MED23: variants seen among roughly 807,000 people sequenced by gnomAD.
MED23 encodes the protein mediator complex subunit 23.
In MED23, 105 loss-of-function variants were observed where a neutral mutation model predicts 163.9. That is an observed-to-expected ratio of 0.64 (90% CI 0.55 to 0.75). MED23 has a LOEUF of 0.75. MED23 is among the 30% of genes least tolerant of loss of function. MED23 has a pLI of 0.00. For synonymous variants in MED23, 561 were observed against 565.6 expected, an observed-to-expected ratio of 0.99 and a Z score of 0.12; for missense variants, 1,054 against 1,649.0, an observed-to-expected ratio of 0.64 and a Z score of 6.25.
chr6:131,574,967 AC>A (rs1188731913), intron 30 of MED23, among the ~76,000 whole-genome samples: 3 of 152,172 alleles, frequency 2.0e-5, no homozygotes, highest in South Asian at 4.1e-4. Flanking sequence ...GTCTCTTCAG[AC>A]TATTCAACTC....
Position 131,598,880 on chromosome 6 carries a change from C to A in MED23, c.2221-119G>T. ...CTAATAAACTCTAGGTCACCTTGAG[C>A]AACTCAGCAATTAAGGCCTGAATTT... On this transcript the variant is annotated intron_variant, in intron 18 of 28. Transcript: ENST00000368068. This position sits in a 1 kb window ranked among gnomAD's most constrained non-coding sequence, Gnocchi z 4.7. 1 of 897,546 alleles carries A rather than the reference C, an allele frequency of 1.1e-6. No homozygotes were observed. Among genetic ancestry groups the A allele is most frequent in the Non-Finnish European group, 1.8e-6 (1 of 558,470 alleles). 55.6% of individuals were successfully genotyped at this position (897,546 alleles called of 1,614,324 possible).
intron 3 of MED23, among the ~76,000 whole-genome samples, chr6:131,625,210 C>T (rs2114783499): frequency 6.6e-6 from 1 of 152,258 alleles, no homozygotes; most frequent in South Asian, 2.1e-4. Flanking sequence ...TAAAATGCTA[C>T]CATTTTTATT....
chr6:131,627,221 T>C, intron 3 of MED23, 175 bp downstream of exon 3: 2 of 629,932 alleles, frequency 3.2e-6, no homozygotes, highest in Non-Finnish European at 2.7e-6. Flanking sequence ...GGTTTTCCAC[T>C]GAAATATACA....
chr6:131,599,988 G>T, intron 18 of MED23, 50 bp downstream of exon 18: 1 of 1,602,934 alleles, frequency 6.2e-7, no homozygotes, highest in Non-Finnish European at 8.5e-7. Flanking sequence ...CATTGTGAAT[G>T]GGAAGAAGGA....
chr6:131,582,610 T>G, downstream of MED23: 1 of 1,606,994 alleles, frequency 6.2e-7, no homozygotes, highest in Non-Finnish European at 8.5e-7. Context: ...GTGAAAACAT[T>G]GTAATTTTAG....
At chr6:131,581,464 T>TATC in intron 30 of MED23, 1 of 1,406,316 alleles carries the variant, frequency 7.1e-7, no homozygotes, top group Non-Finnish European at 9.8e-7. Context: ...AACTCCATGT[T>TATC]ATCTTATTCT....
chr6:131,623,339 A>C lies in MED23; in HGVS notation c.396+12T>G, dbSNP rs1019624699. The stretch of plus-strand genomic sequence containing the variant: ...CTGAAAGCAATCACTTTTTATAATA[A>C]GAAAAATATACCTTGTAATCCACTC... On this transcript the variant is annotated intron_variant, in intron 5 of 28. Coordinates refer to ENST00000368068, the MANE Select transcript of MED23 (RefSeq NM_004830.4). 5 of 1,600,368 alleles carry C rather than the reference A, an allele frequency of 3.1e-6. No homozygotes were observed. The highest frequency in any genetic ancestry group is 3.3e-5 in the Admixed American group (2 of 60,006).
intron 16 of MED23, among the ~76,000 whole-genome samples, chr6:131,602,605 C>T (rs555706130): frequency 3.3e-5 from 5 of 152,172 alleles, no homozygotes; most frequent in African/African-American, 1.2e-4. Flanking sequence ...GATGGCTTGT[C>T]GCCTATAGGA....
At chr6:131,585,123 T>C (rs1299173157), downstream of MED23, among the ~76,000 whole-genome samples, 1 of 152,200 alleles carries the variant, frequency 6.6e-6, no homozygotes, top group African/African-American at 2.4e-5. Flanking sequence ...TACCTATGGC[T>C]TCCAACGTTT....
chr6:131,618,892 G>A (rs769165871), intron 8 of MED23, among the ~76,000 whole-genome samples: 4 of 152,200 alleles, frequency 2.6e-5, no homozygotes, highest in African/African-American at 7.2e-5. Context: ...TGTAGCCTAC[G>A]AAGCTTAAAA....
chr6:131,611,794 A>T (rs993357565), intron 10 of MED23, among the ~76,000 whole-genome samples: 1 of 152,158 alleles, frequency 6.6e-6, no homozygotes, highest in African/African-American at 2.4e-5. Context: ...CCAATTTGTC[A>T]TCTATTTCTC....
At chr6:131,608,306 C>G (rs1328936378) in intron 11 of MED23, among the ~76,000 whole-genome samples, 1 of 151,554 alleles carries the variant, frequency 6.6e-6, no homozygotes, top group South Asian at 2.1e-4. Flanking sequence ...CTCCCCAAAA[C>G]AACTAATGCA....
chr6:131,615,066 C>CAAAAAAAAAAAAAAAA (rs5880072), intron 10 of MED23, among the ~76,000 whole-genome samples: 198 of 68,050 alleles, frequency 2.9e-3, no homozygotes, highest in Middle Eastern at 0.014. Context: ...TCTTTGTTAC[C>CAAAAAAAAAAAAAAAA]AAAAAAAAAA....
At chr6:131,603,414 C>G (rs1280998787) in intron 15 of MED23, among the ~76,000 whole-genome samples, 1 of 151,690 alleles carries the variant, frequency 6.6e-6, no homozygotes, top group East Asian at 1.9e-4. Flanking sequence ...TGCTTTTTTC[C>G]TGGGATTTGG....
In MED23 at chr6:131,593,862, AT is replaced by A. The variant is rs553529316; in HGVS notation, c.3232+236del. On this transcript the variant is annotated intron_variant, in intron 23 of 28. Coordinates refer to ENST00000368068, the MANE Select transcript of MED23 (RefSeq NM_004830.4). ...TCCATAAAGTCTATTTTTAAATATA[AT>A]TTTTTTACCGCTTATCCTCAAGTTC... Among the ~76,000 whole-genome samples the A allele has an allele frequency of 2.3e-3, 357 of 152,166 alleles. 1 individual carries two copies. Among genetic ancestry groups the A allele is most frequent in the African/African-American group, 8.2e-3 (341 of 41,518 alleles).
downstream of MED23, chr6:131,583,521 C>A: frequency 1.2e-6 from 2 of 1,611,666 alleles, no homozygotes; most frequent in Non-Finnish European, 1.7e-6. Flanking sequence ...AATAGAGAAG[C>A]AAGTGTACAC....
At chr6:131,600,419 G>A (rs904354798) in intron 17 of MED23, among the ~76,000 whole-genome samples, 1 of 152,098 alleles carries the variant, frequency 6.6e-6, no homozygotes, top group Non-Finnish European at 1.5e-5. Flanking sequence ...AGGTTACAGA[G>A]TACCAGCGAT....
intron 10 of MED23, among the ~76,000 whole-genome samples, chr6:131,610,453 T>A (rs1299674184): frequency 1.3e-5 from 2 of 152,178 alleles, no homozygotes; most frequent in African/African-American, 4.8e-5. Flanking sequence ...GTTTTCAGGT[T>A]TCCTACAAAA....
chr6:131,597,475 C>CAAAAAAAA (rs59083644), intron 20 of MED23, among the ~76,000 whole-genome samples: 20 of 53,640 alleles, frequency 3.7e-4, no homozygotes, highest in African/African-American at 6.2e-4. Flanking sequence ...GACTCCATAT[C>CAAAAAAAA]AAAAAAAAAA....
Sources: gnomAD v4.1 joint callset for allele counts (sites outside exome capture counted in the v4.1 genomes callset) on GRCh38, gnomAD v4.1.1 for gene constraint, Gnocchi (gnomAD v3.1) non-coding constraint, MANE v1.5 for transcripts, NCBI Gene and HGNC (gene_info 2026-07-23, HGNC 2026-07-21) for gene names.